The following CHODL variants were observed in gnomAD, a reference collection of about 807,000 sequenced individuals.
CHODL encodes the protein chondrolectin, also known as transmembrane protein MT75.
CHODL carries 29 observed loss-of-function variants against 34.5 expected under a neutral mutation model. The observed-to-expected ratio is 0.84, with a 90% CI of 0.63 to 1.15. The LOEUF (loss-of-function observed/expected upper bound fraction) is 1.15, where lower values mean the gene tolerates loss of function less well. Among genes scored for constraint, CHODL ranks in the 50% most tolerant of loss-of-function variants. The pLI is 0.00. For synonymous variants in CHODL, 125 were observed against 116.1 expected (o/e 1.08, Z -0.49); for missense variants, 332 against 332.5 (o/e 1.00, Z 0.01).
Position 18,233,657 on chromosome 21 carries a change from G to A in CHODL, c.-44-22852G>A, listed in dbSNP as rs181199100. 3.0e-4 allele frequency among the ~76,000 whole-genome samples: 46 copies of A among 152,016 alleles called. No individual in the cohort carries two copies. The East Asian group carries it at 7.0e-3, about 23-fold the overall frequency. The stretch of plus-strand genomic sequence containing the variant: ...TCAGCTTTCATTTTGCTAAAACACC[G>A]GAGCCAATATTTGGGGCCTTTTTTT... On this transcript the variant is annotated intron_variant, in intron 2 of 6. Transcript: ENST00000400127.
At chr21:18,051,564 A>C (rs1467639028) in intron 2 of CHODL, among the ~76,000 whole-genome samples, 1 of 151,924 alleles carries the variant, frequency 6.6e-6, no homozygotes, top group Non-Finnish European at 1.5e-5. Flanking sequence ...GAAGACTGTC[A>C]TGCTAGATTT....
At chr21:17,986,308 C>T (rs1415300047) in intron 1 of CHODL, among the ~76,000 whole-genome samples, 1 of 152,042 alleles carries the variant, frequency 6.6e-6, no homozygotes, top group Non-Finnish European at 1.5e-5. Flanking sequence ...AATGCTATCC[C>T]TCCCCTAGCC....
At chr21:18,145,252 A>T (rs8128416) in intron 2 of CHODL, among the ~76,000 whole-genome samples, 9 of 143,902 alleles carry the variant, frequency 6.3e-5, no homozygotes, top group African/African-American at 1.3e-4. Flanking sequence ...CTGGCTAACA[A>T]GGTGAAACCC....
chr21:18,153,983 C>G lies in CHODL; in HGVS notation c.-44-102526C>G, dbSNP rs796688262. 8.5e-5 allele frequency among the ~76,000 whole-genome samples: 13 copies of G among 152,142 alleles called. No homozygotes were observed. The South Asian group carries it at 2.1e-3, about 24-fold the overall frequency. The stretch of plus-strand genomic sequence containing the variant: ...AACACCTCTTACTGGAGTTTCTTGG[C>G]CATCGACCTCCAGCCAGAAGGAAGA... On this transcript the variant is annotated intron_variant, in intron 2 of 6. Transcript: ENST00000400127.
intron 2 of CHODL, among the ~76,000 whole-genome samples, chr21:18,197,556 C>T (rs192535989): frequency 3.9e-5 from 6 of 152,298 alleles, no homozygotes; most frequent in Non-Finnish European, 7.4e-5. Flanking sequence ...GCGGAGGTTG[C>T]GGTGAGCCAG....
At chr21:18,060,709 C>CAAAAAAAAAAAAAAAA (rs71318121) in intron 2 of CHODL, among the ~76,000 whole-genome samples, 1 of 121,350 alleles carries the variant, frequency 8.2e-6, no homozygotes, top group Non-Finnish European at 1.7e-5. Flanking sequence ...CTCCTCGGAC[C>CAAAAAAAAAAAAAAAA]AAAAAAAAAA....
chr21:18,266,232 G>T lies in CHODL; in HGVS notation c.*194G>T. The T allele has an allele frequency of 1.3e-6, 2 of 1,496,160 alleles. No homozygotes were observed. The highest frequency in any genetic ancestry group is 2.8e-5 in the African/African-American group (2 of 71,352). 92.7% of individuals were successfully genotyped at this position (1,496,160 alleles called of 1,614,324 possible). On this transcript the variant is annotated 3_prime_UTR_variant, in exon 6 of 6. Transcript: ENST00000299295. ...TAAAGAATATGCTGTGCTAATAATG[G>T]AGTGAGACATGCTTATTTTGCTAAA...
At chr21:18,216,259 AT>A (rs1248917410) in intron 2 of CHODL, among the ~76,000 whole-genome samples, 1 of 152,166 alleles carries the variant, frequency 6.6e-6, no homozygotes, top group African/African-American at 2.4e-5. Flanking sequence ...TACTTCAAAT[AT>A]TTATCATTTC....
chr21:18,052,886 G>A (rs968130173), intron 2 of CHODL, among the ~76,000 whole-genome samples: 3 of 151,708 alleles, frequency 2.0e-5, no homozygotes, highest in African/African-American at 7.3e-5. Context: ...TAAGCGAAGG[G>A]GTAAATGTTT....
chr21:18,245,294 TG>T lies in CHODL; in HGVS notation c.73del (p.Val25SerfsTer28). 1 of 1,523,632 alleles carries T rather than the reference TG, an allele frequency of 6.6e-7. No individual in the cohort carries two copies. The highest frequency in any genetic ancestry group is 8.8e-7 in the Non-Finnish European group (1 of 1,141,788). The allele number at this position is 1,523,632 out of a possible 1,614,324, so 94.4% of individuals were successfully genotyped here. On this transcript the variant is annotated frameshift_variant, in exon 1 of 6. Transcript: ENST00000299295. LOFTEE classifies it high-confidence loss of function. Reference sequence around the variant, plus strand: ...GGCCACGGAGCCTTCTGCCGCCGCGTGGTCAGCGGTGAGTCAGGGGCCGTCT... The same window carrying T: ...GGCCACGGAGCCTTCTGCCGCCGCGTGTCAGCGGTGAGTCAGGGGCCGTCT... Reference protein sequence around the residue: ...LCGHGAFCRRVVSGQKVCFAD... With the variant: ...LCGHGAFCRRXVSGQKVCFAD...
At chr21:18,118,164 G>A (rs1806924263) in intron 2 of CHODL, among the ~76,000 whole-genome samples, 1 of 152,108 alleles carries the variant, frequency 6.6e-6, no homozygotes, top group Non-Finnish European at 1.5e-5. Flanking sequence ...TTAACAAACT[G>A]CATAAATTGC....
At chr21:18,217,530 C>T (rs147794584) in intron 2 of CHODL, among the ~76,000 whole-genome samples, 236 of 152,106 alleles carry the variant, frequency 1.6e-3, no homozygotes, top group Admixed American at 2.9e-3. Context: ...TCCTTCCCAG[C>T]AGAGGTGGGG....
chr21:18,115,135 A>T (rs532581318), intron 2 of CHODL, among the ~76,000 whole-genome samples: 1 of 152,340 alleles, frequency 6.6e-6, no homozygotes, highest in South Asian at 2.1e-4. Context: ...TAGAGAACAG[A>T]TTACAGGAGA....
intron 2 of CHODL, among the ~76,000 whole-genome samples, chr21:18,083,883 G>A (rs2064971951): frequency 6.6e-6 from 1 of 152,206 alleles, no homozygotes; most frequent in Non-Finnish European, 1.5e-5. Flanking sequence ...TTTGGACTTG[G>A]ACATTTAGGT....
intron 2 of CHODL, among the ~76,000 whole-genome samples, chr21:18,048,498 GA>G (rs1308080429): frequency 6.6e-5 from 10 of 151,742 alleles, no homozygotes; most frequent in South Asian, 4.2e-4. Flanking sequence ...CATGAATTTA[GA>G]AAATCATTGC....
At chr21:18,248,597 TA>T (rs1475489124) in intron 1 of CHODL, among the ~76,000 whole-genome samples, 1 of 136,686 alleles carries the variant, frequency 7.3e-6, no homozygotes, top group Non-Finnish European at 1.5e-5. Flanking sequence ...TATATATATA[TA>T]AAATATATGT....
chr21:18,125,618 T>C (rs2065533413), intron 2 of CHODL, among the ~76,000 whole-genome samples: 1 of 151,524 alleles, frequency 6.6e-6, no homozygotes, highest in Non-Finnish European at 1.5e-5. Context: ...ATTTTTGAGA[T>C]GGAGTCTCCC....
At chr21:18,162,277 T>C (rs2073104045) in intron 2 of CHODL, among the ~76,000 whole-genome samples, 3 of 152,234 alleles carry the variant, frequency 2.0e-5, no homozygotes, top group African/African-American at 7.2e-5. Flanking sequence ...GCAGAGACAG[T>C]TCCTTCTGAG....
intron 1 of CHODL, among the ~76,000 whole-genome samples, chr21:18,250,189 G>T (rs761875597): frequency 3.9e-5 from 6 of 152,194 alleles, no homozygotes; most frequent in Admixed American, 1.3e-4. Flanking sequence ...ATAATCTCAA[G>T]TACCCAAAGT....
Sources: allele counts gnomAD v4.1 joint callset (sites outside exome capture counted in the v4.1 genomes callset), GRCh38; gene constraint gnomAD v4.1.1; transcripts MANE v1.5; gene names NCBI Gene and HGNC (gene_info 2026-07-23, HGNC 2026-07-21).